Variants in ITIH6 observed in about 807,000 individuals in gnomAD.
The protein encoded by ITIH6 is inter-alpha-trypsin inhibitor heavy chain family member 6.
Under a neutral mutation model 58.2 loss-of-function variants are expected in ITIH6, and 60 were observed. The ratio of observed to expected loss-of-function variants is 1.03; its 90% CI spans 0.84 to 1.28. ITIH6 has a LOEUF of 1.28. Among genes scored for constraint, ITIH6 ranks in the 50% most tolerant of loss-of-function variants. The probability of loss-of-function intolerance (pLI) is 0.00; values close to 1 mark genes in which losing one functional copy is unlikely to be tolerated. For synonymous variants in ITIH6, 493 were observed against 417.4 expected (o/e 1.18, Z -2.21); for missense variants, 1,290 against 1,021.1 (o/e 1.26, Z -3.59).
Position 54,793,970 on chromosome X carries a change from G to A in ITIH6, c.258-1934C>T, listed in dbSNP as rs781276720. Among the ~76,000 whole-genome samples, 4 of 111,730 alleles carry A rather than the reference G, an allele frequency of 3.6e-5. No homozygotes were observed. In the East Asian group the frequency reaches 1.1e-3, roughly 31 times the overall value. On this transcript the variant is annotated intron_variant, in intron 2 of 12. Transcript: ENST00000218436. ...GAAAGTTAGTGCAACTCTGTAGGAC[G>A]CAAGTACAACAGTTTCCATTTTACA...
chrX:54,778,307 G>A lies in ITIH6; in HGVS notation c.787-4110C>T, dbSNP rs151075209. Among the ~76,000 whole-genome samples the A allele has an allele frequency of 6.6e-3, 695 of 105,201 alleles. 2 individuals are homozygous for A. The highest frequency in any genetic ancestry group is 0.011 in the Non-Finnish European group (586 of 51,715). The allele number at this position is 105,201 out of a possible 115,157, so 91.4% of individuals were successfully genotyped here. ...CCTCCTGGGTTCAAGCGATTCTCCC[G>A]CCTCAGCCTCCCGAGTAGCTGGGAT... On this transcript the variant is annotated intron_variant, in intron 5 of 12. Coordinates refer to ENST00000218436, the MANE Select transcript of ITIH6 (RefSeq NM_198510.3).
intron 5 of ITIH6, among the ~76,000 whole-genome samples, chrX:54,776,652 CCA>C (rs1026430181): frequency 2.7e-5 from 3 of 110,887 alleles, no homozygotes; most frequent in African/African-American, 9.9e-5. Context: ...GGCCCCCTTT[CCA>C]GGCCCTAACT....
chrX:54,772,454 A>T (rs1569544134), intron 6 of ITIH6, among the ~76,000 whole-genome samples: 4 of 112,321 alleles, frequency 3.6e-5, no homozygotes, highest in South Asian at 7.4e-4. Flanking sequence ...TGCAATACTA[A>T]ATTTACCCAT....
In ITIH6 at chrX:54,758,192, C is replaced by T. The variant is rs1336887743; in HGVS notation, c.1882G>A (p.Ala628Thr). ...GAGGGCATGATGGTGTCTGGCCCAG[C>T]AGAGGTGGAAGTCTGTCTCCTGGTC... Reference protein sequence around the residue: ...EETRRQTSTSAGPDTIMPSSS... With the variant: ...EETRRQTSTSTGPDTIMPSSS... The change falls in exon 8 of 13, where the codon GCT becomes ACT. Residue 628 changes from alanine (A) to threonine (T), a missense_variant. Coordinates refer to ENST00000218436, the MANE Select transcript of ITIH6 (RefSeq NM_198510.3). 3 of 1,211,217 alleles carry T rather than the reference C, an allele frequency of 2.5e-6. No homozygotes were observed. In the Admixed American group the frequency reaches 6.5e-5, roughly 26 times the overall value.
intron 6 of ITIH6, among the ~76,000 whole-genome samples, chrX:54,761,263 T>A (rs1334648445): frequency 8.9e-6 from 1 of 112,438 alleles, no homozygotes; most frequent in Non-Finnish European, 1.9e-5. Context: ...TTCATATCCT[T>A]CACCCACTTT....
At chrX:54,752,945 C>T (rs1381221887) in intron 11 of ITIH6, among the ~76,000 whole-genome samples, 2 of 112,312 alleles carry the variant, frequency 1.8e-5, no homozygotes, top group African/African-American at 3.2e-5. Flanking sequence ...TACTAGTTGA[C>T]GTTCTGGAGG....
intron 11 of ITIH6, among the ~76,000 whole-genome samples, chrX:54,752,293 G>T (rs560291850): frequency 2.7e-5 from 3 of 112,086 alleles, no homozygotes; most frequent in African/African-American, 6.5e-5. Flanking sequence ...AGTTTGAAAA[G>T]AGCCCCTATC....
At chrX:54,793,969 C>T (rs1039748343) in intron 2 of ITIH6, among the ~76,000 whole-genome samples, 16 of 111,419 alleles carry the variant, frequency 1.4e-4, no homozygotes, top group African/African-American at 3.9e-4. Flanking sequence ...CTCTGTAGGA[C>T]GCAAGTACAA....
Position 54,758,737 on chromosome X carries a change from C to T in ITIH6, c.1337G>A (p.Arg446Gln), listed in dbSNP as rs145453852. 18 of 1,211,070 alleles carry T rather than the reference C, an allele frequency of 1.5e-5. No homozygotes were observed. In the East Asian group the frequency reaches 2.1e-4, roughly 14 times the overall value. ...CTCATATATGCGCCGGGCTATTCCCCGGTTTTCCAGGGACAGGCGGCGCAG... is the reference window on the plus strand; with the variant it reads ...CTCATATATGCGCCGGGCTATTCCCTGGTTTTCCAGGGACAGGCGGCGCAG... ...TLLRRLSLENRGIARRIYEDT... is the reference protein window; with the variant it reads ...TLLRRLSLENQGIARRIYEDT... Residue 446 changes from arginine to glutamine, a missense_variant, in exon 8 of 13, where the codon CGG becomes CAG. By Grantham distance (43) the Arg-to-Gln change is conservative. Coordinates refer to ENST00000218436, the MANE Select transcript of ITIH6 (RefSeq NM_198510.3).
intron 5 of ITIH6, among the ~76,000 whole-genome samples, chrX:54,785,374 G>T (rs1045270357): frequency 1.8e-5 from 2 of 111,401 alleles, no homozygotes; most frequent in African/African-American, 6.5e-5. Context: ...GTATTAAGTG[G>T]ATTGTTTGTA....
Position 54,757,296 on chromosome X carries a change from G to T in ITIH6, c.2778C>A (p.Pro926=). 1 of 1,194,707 alleles carries T rather than the reference G, an allele frequency of 8.4e-7. No individual in the cohort carries two copies. The highest frequency in any genetic ancestry group is 1.1e-6 in the Non-Finnish European group (1 of 886,774). The change falls in exon 8 of 13, where the codon CCC becomes CCA. Residue 926 remains proline (P), a synonymous_variant. Transcript: ENST00000218436. Reference sequence around the variant, plus strand: ...GAGTGGGAGTAAAGGGCATGGGGAGGGGTTCTCCAAGGACAGAGGTGGTTG... The same window carrying T: ...GAGTGGGAGTAAAGGGCATGGGGAGTGGTTCTCCAAGGACAGAGGTGGTTG... ...STTTTSVLGE[P]LPMPFTPTLP...
intron 6 of ITIH6, among the ~76,000 whole-genome samples, chrX:54,760,424 C>A (rs1569543949): frequency 9.0e-6 from 1 of 111,075 alleles, no homozygotes; most frequent in South Asian, 3.8e-4. Context: ...ATGTTTAGGA[C>A]CTTTATGATC....
chrX:54,756,012 A>C (rs1414930674), intron 8 of ITIH6, among the ~76,000 whole-genome samples: 1 of 111,704 alleles, frequency 9.0e-6, no homozygotes, highest in East Asian at 2.8e-4. Flanking sequence ...TAGGTGAGAC[A>C]CAATGGTGGT....
In ITIH6 at chrX:54,749,939, C is replaced by T; in HGVS notation, c.3898G>A (p.Val1300Ile). 8.3e-7 allele frequency: 1 copy of T among 1,211,365 alleles called. No homozygotes were observed. The highest frequency in any genetic ancestry group is 1.1e-6 in the Non-Finnish European group (1 of 895,343). ...TAGGGGTGGCCCAGAAGCAGCTCTA[C>T]ATGAGAGCGCTTCACCAGCCAGCAG... ...ASCWLVKRSH[V>I]ELLLGHPYLS... is the part of the protein sequence containing the mutation. The change falls in exon 13 of 13, where the codon GTA becomes ATA. Residue 1300 changes from valine (V) to isoleucine (I), a missense_variant. Physicochemically the swap from Val to Ile is conservative, Grantham distance 29. Coordinates refer to ENST00000218436, the MANE Select transcript of ITIH6 (RefSeq NM_198510.3).
intron 5 of ITIH6, among the ~76,000 whole-genome samples, chrX:54,780,752 T>C (rs1225296327): frequency 3.6e-5 from 4 of 109,650 alleles, no homozygotes; most frequent in Non-Finnish European, 7.6e-5. Context: ...TTTAACAAAA[T>C]TGACAAACCT....
At chrX:54,774,897 C>T (rs1929024525) in intron 5 of ITIH6, among the ~76,000 whole-genome samples, 1 of 111,837 alleles carries the variant, frequency 8.9e-6, no homozygotes, top group Non-Finnish European at 1.9e-5. Context: ...GGACCAGTCT[C>T]AGCTCAGCTC....
chrX:54,756,162 A>G (rs1448456132), intron 8 of ITIH6, among the ~76,000 whole-genome samples: 2 of 111,127 alleles, frequency 1.8e-5, no homozygotes, highest in African/African-American at 6.6e-5. Context: ...AGGATGTCAT[A>G]CCCAAATTTG....
intron 9 of ITIH6, among the ~76,000 whole-genome samples, chrX:54,754,199 T>G (rs894133509): frequency 3.6e-5 from 4 of 111,793 alleles, no homozygotes; most frequent in Non-Finnish European, 5.6e-5. Flanking sequence ...TCCTGCCACC[T>G]GGAATGTTTT....
In ITIH6 at chrX:54,788,460, T is replaced by C. The variant is rs754385981; in HGVS notation, c.786+20A>G. Reference sequence around the variant, plus strand: ...TGACTCCAGAGCCCATCCTCTCTCCTCTTCCCCAGGCCCCCTCACCTGCAC... The same window carrying C: ...TGACTCCAGAGCCCATCCTCTCTCCCCTTCCCCAGGCCCCCTCACCTGCAC... On this transcript the variant is annotated intron_variant, in intron 5 of 12. Coordinates refer to ENST00000218436, the MANE Select transcript of ITIH6 (RefSeq NM_198510.3). The C allele has an allele frequency of 3.3e-6, 4 of 1,201,700 alleles. No individual in the cohort carries two copies. In the South Asian group the frequency reaches 5.3e-5, roughly 16 times the overall value.
Sources: gnomAD v4.1 joint callset for allele counts (sites outside exome capture counted in the v4.1 genomes callset) on GRCh38, gnomAD v4.1.1 for gene constraint, MANE v1.5 for transcripts, NCBI Gene and HGNC (gene_info 2026-07-23, HGNC 2026-07-21) for gene names.